The following DYNC1H1 variants were observed in gnomAD, a reference collection of about 807,000 sequenced individuals.
DYNC1H1 encodes the protein cytoplasmic dynein 1 heavy chain 1.
In DYNC1H1, 51 loss-of-function variants were observed where a neutral mutation model predicts 527.1. The observed-to-expected ratio is 0.10, with a 90% CI of 0.08 to 0.12. The LOEUF (loss-of-function observed/expected upper bound fraction) is 0.12. Among genes scored for constraint, DYNC1H1 ranks in the 10% least tolerant of loss-of-function variants. The pLI is 1.00. For missense variants in DYNC1H1, 2,771 were observed against 5,971.8 expected, an observed-to-expected ratio of 0.46 and a Z score of 17.66; for synonymous variants, 2,189 against 2,278.8, an observed-to-expected ratio of 0.96 and a Z score of 1.12.
chr14:102,038,538 A>G lies in DYNC1H1; in HGVS notation c.10987A>G (p.Thr3663Ala), dbSNP rs200204286. Residue 3663 changes from threonine (T) to alanine (A), a missense_variant, in exon 58 of 78, where the codon ACT (threonine) becomes GCT (alanine). Physicochemically the swap from Thr to Ala is moderately conservative, Grantham distance 58. Transcript: ENST00000360184. This position sits in a 1 kb window ranked among gnomAD's most constrained non-coding sequence, Gnocchi z 7.2. ...VRRTGGRVLI[T>A]LGDQDIDLSP... is the part of the protein sequence containing the mutation. Reference sequence around the variant, plus strand: ...GCGAACAGGGGGGAGAGTGCTGATCACTCTCGGGGACCAGGACATAGACCT... The same window carrying G: ...GCGAACAGGGGGGAGAGTGCTGATCGCTCTCGGGGACCAGGACATAGACCT... The G allele has an allele frequency of 3.7e-6, 6 of 1,613,660 alleles. No individual in the cohort carries two copies. The Admixed American group carries it at 8.3e-5, about 22-fold the overall frequency.
chr14:102,007,222 A>T, intron 28 of DYNC1H1, 114 bp downstream of exon 28: 1 of 1,101,506 alleles, frequency 9.1e-7, no homozygotes, highest in Admixed American at 2.0e-5. Context: ...AGCGTGGTTT[A>T]TATGGCCTCC....
Position 102,042,207 on chromosome 14 carries a change from C to A in DYNC1H1, c.12215-21C>A. 6.2e-7 allele frequency: 1 copy of A among 1,614,042 alleles called. No homozygotes were observed. Among genetic ancestry groups the A allele is most frequent in the Non-Finnish European group, 8.5e-7 (1 of 1,180,032 alleles). ...TGATGTCCGAGGCTGCCGCTGCTAA[C>A]ACTAAGTTTCCCTGCACCAGGCTCT... On this transcript the variant is annotated intron_variant, in intron 66 of 77. Coordinates refer to ENST00000360184, the MANE Select transcript of DYNC1H1 (RefSeq NM_001376.5). The surrounding 1 kb of genome is among the most constrained non-coding windows in gnomAD (Gnocchi z 5.7).
Position 102,011,034 on chromosome 14 carries a change from C to T in DYNC1H1, c.6618+82C>T, listed in dbSNP as rs553017842. 5.3e-5 allele frequency: 76 copies of T among 1,433,646 alleles called. No homozygotes were observed. In the East Asian group the frequency reaches 1.2e-3, roughly 22 times the overall value. 88.8% of individuals were successfully genotyped at this position (1,433,646 alleles called of 1,614,324 possible). ...CTGGTAATGACAACCGTGGGCCCTT[C>T]GATGAAACTGTCCACAAAGGCTGTG... On this transcript the variant is annotated intron_variant, in intron 32 of 77. Coordinates refer to ENST00000360184, the MANE Select transcript of DYNC1H1 (RefSeq NM_001376.5). This position sits in a 1 kb window ranked among gnomAD's most constrained non-coding sequence, Gnocchi z 5.3.
At chr14:102,022,251 C>T (rs937513123) in intron 42 of DYNC1H1, among the ~76,000 whole-genome samples, 2 of 151,970 alleles carry the variant, frequency 1.3e-5, no homozygotes, top group Admixed American at 1.3e-4. Flanking sequence ...AATCCCAGCA[C>T]TTTGGGAGGC....
chr14:102,038,105 G>A lies in DYNC1H1; in HGVS notation c.10909-355G>A. ...AAGCAATTCTGTCTCAGCCTCCCAGGTAGCTGGGACTACAGGCATGTGCCA... is the reference window on the plus strand; with the variant it reads ...AAGCAATTCTGTCTCAGCCTCCCAGATAGCTGGGACTACAGGCATGTGCCA... On this transcript the variant is annotated intron_variant, in intron 57 of 77. Transcript: ENST00000360184. The surrounding 1 kb of genome is among the most constrained non-coding windows in gnomAD (Gnocchi z 7.2). 2.8e-6 allele frequency: 1 copy of A among 355,956 alleles called. No individual in the cohort carries two copies. Among genetic ancestry groups the A allele is most frequent in the Non-Finnish European group, 5.5e-6 (1 of 182,144 alleles). 22.0% of individuals were successfully genotyped at this position (355,956 alleles called of 1,614,324 possible).
At position 101,964,988 on chromosome 14, in the gene DYNC1H1, C is replaced by T. The variant is rs771160065; in HGVS notation, c.256+41C>T. On this transcript the variant is annotated intron_variant, in intron 1 of 77. Coordinates refer to ENST00000360184, the MANE Select transcript of DYNC1H1 (RefSeq NM_001376.5). This position sits in a 1 kb window ranked among gnomAD's most constrained non-coding sequence, Gnocchi z 5.5. ...GGGCAGGGTCGCCAGAGCCAGGCCT[C>T]GCGGAATGCAGGGCCTGCCAGGTCC... The T allele has an allele frequency of 8.3e-6, 13 of 1,562,276 alleles. No homozygotes were observed. In the South Asian group the frequency reaches 9.3e-5, roughly 11 times the overall value.
At position 101,986,029 on chromosome 14, in the gene DYNC1H1, C is replaced by T. The variant is rs763005275; in HGVS notation, c.1804C>T (p.Arg602Cys). ...CAGGCCTCACATCCGTGGGGCCATT[C>T]GCGAATACCAGACCCAGCTGATCCA... The part of the protein sequence containing the change: ...FVRPHIRGAI[R>C]EYQTQLIQRV... The change falls in exon 8 of 78, where the codon CGC becomes TGC. Residue 602 changes from arginine (R) to cysteine (C), a missense_variant. Coordinates refer to ENST00000360184, the MANE Select transcript of DYNC1H1 (RefSeq NM_001376.5). The surrounding 1 kb of genome is among the most constrained non-coding windows in gnomAD (Gnocchi z 8.7). 9 of 1,614,074 alleles carry T rather than the reference C, an allele frequency of 5.6e-6. No individual in the cohort carries two copies. Among genetic ancestry groups the T allele is most frequent in the Non-Finnish European group, 3.4e-6 (4 of 1,180,036 alleles).
Position 102,002,410 on chromosome 14 carries a change from T to C in DYNC1H1, c.4543-127T>C. ...ACAGGCGTGAGCCACCACACCCGTC[T>C]ACTTGTTGTTTAAAATGTGAATCAG... On this transcript the variant is annotated intron_variant, in intron 21 of 77. Coordinates refer to ENST00000360184, the MANE Select transcript of DYNC1H1 (RefSeq NM_001376.5). The surrounding 1 kb of genome is among the most constrained non-coding windows in gnomAD (Gnocchi z 4.4). 7.6e-7 allele frequency: 1 copy of C among 1,324,304 alleles called. No homozygotes were observed. Among genetic ancestry groups the C allele is most frequent in the Non-Finnish European group, 1.1e-6 (1 of 929,048 alleles). 82.0% of individuals were successfully genotyped at this position (1,324,304 alleles called of 1,614,324 possible). A position where few individuals can be genotyped will look rare whatever the true frequency, so the allele number is the denominator to read the frequency against.
chr14:102,004,452 C>A, intron 23 of DYNC1H1, 66 bp from the exon 24 acceptor site: 1 of 1,517,962 alleles, frequency 6.6e-7, no homozygotes, highest in South Asian at 1.3e-5. Flanking sequence ...AGTTTGAAAT[C>A]TTACCTTGAT....
At position 102,039,474 on chromosome 14, in the gene DYNC1H1, C is replaced by T. The variant is rs767968787; in HGVS notation, c.11523C>T (p.Tyr3841=). ...FFLDIYHNVL[Y]ENPNLKGVTD... ...TGGACATTTATCACAACGTCCTATACGAGAACCCGAACCTGAAGGGTGTCA... is the reference window on the plus strand; with the variant it reads ...TGGACATTTATCACAACGTCCTATATGAGAACCCGAACCTGAAGGGTGTCA... Residue 3841 remains tyrosine (Y), a synonymous_variant, in exon 61 of 78, where the codon TAC becomes TAT. Coordinates refer to ENST00000360184, the MANE Select transcript of DYNC1H1 (RefSeq NM_001376.5). The surrounding 1 kb of genome is among the most constrained non-coding windows in gnomAD (Gnocchi z 7.0). 8.1e-6 allele frequency: 13 copies of T among 1,614,224 alleles called. No individual in the cohort carries two copies. Among genetic ancestry groups the T allele is most frequent in the African/African-American group, 4.0e-5 (3 of 75,046 alleles).
At chr14:102,030,339 A>AC (rs2152590452) in intron 51 of DYNC1H1, 57 bp downstream of exon 51, 2 of 1,613,278 alleles carry the variant, frequency 1.2e-6, no homozygotes, top group East Asian at 2.2e-5. Context: ...CGTCAACATT[A>AC]CTGTGGAGTT....
At chr14:102,032,896 A>G in intron 52 of DYNC1H1, 169 bp from the exon 53 acceptor site, 1 of 692,994 alleles carries the variant, frequency 1.4e-6, no homozygotes, top group East Asian at 2.6e-5. Context: ...TGTTGAGCAC[A>G]TTTTCAGCTT....
At position 102,001,797 on chromosome 14, in the gene DYNC1H1, G is replaced by C; in HGVS notation, c.4542+116G>C. The C allele has an allele frequency of 1.4e-6, 2 of 1,400,354 alleles. No homozygotes were observed. Among genetic ancestry groups the C allele is most frequent in the African/African-American group, 1.4e-5 (1 of 70,392 alleles). The allele number at this position is 1,400,354 out of a possible 1,614,324, so 86.7% of individuals were successfully genotyped here. A position where few individuals can be genotyped will look rare whatever the true frequency, so the allele number is the denominator to read the frequency against. On this transcript the variant is annotated intron_variant, in intron 21 of 77. Transcript: ENST00000360184. The surrounding 1 kb of genome is among the most constrained non-coding windows in gnomAD (Gnocchi z 5.0). ...TTTTTTATTGTATTTTTTGAGACAG[G>C]GTCTCACTCTGTCTCCCACGCTGGA... is the stretch of plus-strand genomic sequence containing the variant.
Position 102,048,564 on chromosome 14 carries a change from C to T in DYNC1H1, c.13267C>T (p.Leu4423=). ...GAGAGAAGTGAAGATGGGCGCAAAG[C>T]TGCTTCAGGACGTTCGCCAGGACCT... is the stretch of plus-strand genomic sequence containing the variant. ...FEREVKMGAK[L]LQDVRQDLAD... Residue 4423 remains leucine, a synonymous_variant, in exon 74 of 78, where the codon CTG becomes TTG. Transcript: ENST00000360184. The T allele has an allele frequency of 6.2e-7, 1 of 1,614,232 alleles. No homozygotes were observed. The highest frequency in any genetic ancestry group is 8.5e-7 in the Non-Finnish European group (1 of 1,180,046).
intron 10 of DYNC1H1, 152 bp downstream of exon 10, chr14:101,989,004 CA>C: frequency 1.9e-6 from 2 of 1,076,424 alleles, no homozygotes; most frequent in Non-Finnish European, 2.7e-6. Flanking sequence ...TGGCGATGTG[CA>C]GGTGTCATGT....
intron 7 of DYNC1H1, among the ~76,000 whole-genome samples, chr14:101,984,441 A>AT (rs1748485355): frequency 3.3e-5 from 4 of 121,590 alleles, no homozygotes; most frequent in African/African-American, 7.5e-5. Flanking sequence ...GTATATATAT[A>AT]TATATTATAT....
At chr14:102,008,525 C>T (rs189716999) in intron 29 of DYNC1H1, among the ~76,000 whole-genome samples, 188 bp downstream of exon 29, 73 of 152,216 alleles carry the variant, frequency 4.8e-4, no homozygotes, top group African/African-American at 1.4e-3. Flanking sequence ...TAGTGGCTCA[C>T]GTGTGTAATC....
chr14:101,966,319 C>G (rs963718487), intron 1 of DYNC1H1, among the ~76,000 whole-genome samples: 5 of 151,860 alleles, frequency 3.3e-5, no homozygotes, highest in Non-Finnish European at 7.4e-5. Context: ...GGCAAATAAA[C>G]CATTTGAGCA....
rs773731347 is a variant in DYNC1H1, at chr14:102,041,384, G to A, written c.11942-190G>A. The A allele has an allele frequency of 3.3e-5, 27 of 820,446 alleles. No individual in the cohort carries two copies. The East Asian group carries it at 6.4e-4, about 19-fold the overall frequency. 50.8% of individuals were successfully genotyped at this position (820,446 alleles called of 1,614,324 possible). ...CCTATGGATACATCCAGGTAGTAAG[G>A]TGTTCTCACAGGCGTGTCCAGAGGG... On this transcript the variant is annotated intron_variant, in intron 64 of 77. Coordinates refer to ENST00000360184, the MANE Select transcript of DYNC1H1 (RefSeq NM_001376.5). The surrounding 1 kb of genome is among the most constrained non-coding windows in gnomAD (Gnocchi z 4.5).
Sources: allele counts gnomAD v4.1 joint callset (sites outside exome capture counted in the v4.1 genomes callset), GRCh38; gene constraint gnomAD v4.1.1; non-coding constraint Gnocchi (gnomAD v3.1); transcripts MANE v1.5; gene names NCBI Gene and HGNC (gene_info 2026-07-23, HGNC 2026-07-21).